The following ACOT9 variants were observed in gnomAD, a reference collection of about 807,000 sequenced individuals.
The protein encoded by ACOT9 is acyl-CoA thioesterase 9.
Under a neutral mutation model 39.7 loss-of-function variants are expected in ACOT9, and 34 were observed. That is an observed-to-expected ratio of 0.86 (90% CI 0.65 to 1.14). The LOEUF (loss-of-function observed/expected upper bound fraction) is 1.14. Ranked by LOEUF, ACOT9 falls within the 50% of genes most tolerant of loss-of-function variation. The probability of loss-of-function intolerance (pLI) is 0.00; values close to 1 mark genes in which losing one functional copy is unlikely to be tolerated. For missense variants in ACOT9, 313 were observed against 344.1 expected, an observed-to-expected ratio of 0.91 and a Z score of 0.71; for synonymous variants, 110 against 120.5, an observed-to-expected ratio of 0.91 and a Z score of 0.57.
chrX:23,722,623 G>A (rs1929360384), intron 7 of ACOT9, 47 bp downstream of exon 7: 1 of 915,762 alleles, frequency 1.1e-6, no homozygotes, highest in Non-Finnish European at 1.5e-6. Context: ...ATAATATCTT[G>A]AAATTACTAA....
chrX:23,729,228 G>A (rs1423608405), intron 6 of ACOT9, among the ~76,000 whole-genome samples: 2 of 111,697 alleles, frequency 1.8e-5, no homozygotes, highest in Admixed American at 1.9e-4. Context: ...GATACAATAA[G>A]AACAGAGCAT....
intron 1 of ACOT9, among the ~76,000 whole-genome samples, chrX:23,742,260 T>C (rs1259158748): frequency 2.3e-4 from 8 of 34,988 alleles, no homozygotes; most frequent in Non-Finnish European, 3.7e-4. Flanking sequence ...GAGAGAGATA[T>C]CCAGGACCCC....
intron 4 of ACOT9, 58 bp from the exon 5 acceptor site, chrX:23,731,044 G>C (rs1263828813): frequency 1.9e-6 from 2 of 1,027,830 alleles, no homozygotes; most frequent in East Asian, 6.2e-5. Flanking sequence ...CACAATTCCA[G>C]TGGTACACAG....
rs1928505853 is a variant in ACOT9, at chrX:23,702,220, C to G, written c.*1674G>C. On this transcript the variant is annotated 3_prime_UTR_variant, in exon 16 of 16. Coordinates refer to ENST00000379303, the MANE Select transcript of ACOT9 (RefSeq NM_001037171.2). ...TTATTTTTTCTTCTAAGTTACCTTC[C>G]TGTCAAAAAAGGAACGGTCTTGGCT... The G allele has an allele frequency of 9.2e-6, 1 of 108,209 alleles. No individual in the cohort carries two copies. The highest frequency in any genetic ancestry group is 1.9e-5 in the Non-Finnish European group (1 of 52,289). The allele number at this position is 108,209 out of a possible 1,213,427, so 8.9% of individuals were successfully genotyped here.
In ACOT9 at chrX:23,704,807, A is replaced by C; in HGVS notation, c.1145T>G (p.Val382Gly). Residue 382 changes from valine (V) to glycine (G), a missense_variant, in exon 15 of 16, where the codon GTA becomes GGA. Physicochemically the swap from Val to Gly is moderately radical, Grantham distance 109. Transcript: ENST00000379303. Reference sequence around the variant, plus strand: ...CTGCAGGGAGGCCACTTCACTGTGTACTCTGACTTGAATATAATTATTCTG... The same window carrying C: ...CTGCAGGGAGGCCACTTCACTGTGTCCTCTGACTTGAATATAATTATTCTG... ...FTQNNYIQVR[V>G]HSEVASLQEK... 8.3e-7 allele frequency: 1 copy of C among 1,210,744 alleles called. No individual in the cohort carries two copies. The highest frequency in any genetic ancestry group is 1.1e-6 in the Non-Finnish European group (1 of 894,654).
At position 23,701,306 on chromosome X, in the gene ACOT9, C is replaced by T. The variant is rs918050082; in HGVS notation, c.*2588G>A. On this transcript the variant is annotated 3_prime_UTR_variant, in exon 16 of 16. Coordinates refer to ENST00000379303, the MANE Select transcript of ACOT9 (RefSeq NM_001037171.2). ...TGCTATATTGAAGGGCCAGGTAAATCTCAGTCAGGATGGCATTACGGCATG... is the reference window on the plus strand; with the variant it reads ...TGCTATATTGAAGGGCCAGGTAAATTTCAGTCAGGATGGCATTACGGCATG... Among the ~76,000 whole-genome samples, 2 of 111,018 alleles carry T rather than the reference C, an allele frequency of 1.8e-5. No individual in the cohort carries two copies. The highest frequency in any genetic ancestry group is 3.8e-5 in the Non-Finnish European group (2 of 53,078).
At chrX:23,722,005 A>C in intron 7 of ACOT9, 21 bp from the exon 8 acceptor site, 4 of 1,142,582 alleles carry the variant, frequency 3.5e-6, no homozygotes, top group Non-Finnish European at 4.8e-6. Flanking sequence ...GAAGTCAATC[A>C]GGGTCCAAGT....
intron 1 of ACOT9, among the ~76,000 whole-genome samples, chrX:23,737,503 G>T (rs1424999606): frequency 1.8e-5 from 2 of 112,017 alleles, no homozygotes; most frequent in Non-Finnish European, 3.8e-5. Context: ...TCTTCTGAAT[G>T]ACAGCATTCA....
chrX:23,707,737 C>CAAAA, intron 10 of ACOT9, 140 bp downstream of exon 10: 1 of 389,003 alleles, frequency 2.6e-6, no homozygotes, highest in Non-Finnish European at 4.2e-6. Context: ...GACTCCATTT[C>CAAAA]AAAAAAAACA....
In ACOT9 at chrX:23,723,335, G is replaced by A. The variant is rs1929384269; in HGVS notation, c.401-582C>T. Reference sequence around the variant, plus strand: ...TTTAAAGTCGTATAATTATACGTTGGGCCGGGCGCGGCGGCTCAGCCTGTA... The same window carrying A: ...TTTAAAGTCGTATAATTATACGTTGAGCCGGGCGCGGCGGCTCAGCCTGTA... On this transcript the variant is annotated intron_variant, in intron 6 of 15. Transcript: ENST00000379303. 2.7e-5 allele frequency among the ~76,000 whole-genome samples: 3 copies of A among 110,977 alleles called. No individual in the cohort carries two copies. In the South Asian group the frequency reaches 1.1e-3, roughly 42 times the overall value.
At chrX:23,718,889 G>C (rs1413380047) in intron 8 of ACOT9, among the ~76,000 whole-genome samples, 1 of 69,836 alleles carries the variant, frequency 1.4e-5, no homozygotes, top group African/African-American at 6.1e-5. Context: ...CTGGGTGACA[G>C]AGCAAGACTC....
chrX:23,742,092 CATA>C (rs1920971453), intron 1 of ACOT9, among the ~76,000 whole-genome samples: 1 of 110,912 alleles, frequency 9.0e-6, no homozygotes, highest in Non-Finnish European at 1.9e-5. Context: ...TGGCCCCTCT[CATA>C]ATGACTTTCA....
intron 1 of ACOT9, 150 bp downstream of exon 1, chrX:23,742,975 G>C: frequency 1.4e-6 from 1 of 696,327 alleles, no homozygotes. Flanking sequence ...TGTCCGGTCG[G>C]AGGTACAGTG....
chrX:23,742,867 C>T (rs767233605), intron 1 of ACOT9, among the ~76,000 whole-genome samples: 1 of 112,844 alleles, frequency 8.9e-6, no homozygotes, highest in Non-Finnish European at 1.9e-5. Context: ...ACCCAACTTC[C>T]TCCCTTAAAA....
intron 8 of ACOT9, among the ~76,000 whole-genome samples, chrX:23,717,482 A>G (rs898620211): frequency 8.9e-6 from 1 of 111,810 alleles, no homozygotes; most frequent in Non-Finnish European, 1.9e-5. Flanking sequence ...CACAAGAGGC[A>G]GTGAGGACTT....
intron 8 of ACOT9, among the ~76,000 whole-genome samples, chrX:23,720,068 G>C (rs757241204): frequency 0.015 from 1,661 of 112,254 alleles, 26 homozygotes; most frequent in African/African-American, 0.045. Context: ...CTCCTGACCT[G>C]GTGATCTGCC....
intron 11 of ACOT9, among the ~76,000 whole-genome samples, chrX:23,706,199 G>A (rs969307031): frequency 9.0e-6 from 1 of 110,609 alleles, no homozygotes; most frequent in Non-Finnish European, 1.9e-5. Flanking sequence ...CCGGGAGGCA[G>A]AGGTTGTAGT....
At chrX:23,714,970 A>G (rs1929028468) in intron 8 of ACOT9, among the ~76,000 whole-genome samples, 1 of 111,445 alleles carries the variant, frequency 9.0e-6, no homozygotes, top group African/African-American at 3.3e-5. Flanking sequence ...GTCATACCAT[A>G]AAGTAATGAC....
At chrX:23,732,242 T>A (rs753715215) in intron 4 of ACOT9, among the ~76,000 whole-genome samples, 2 of 112,870 alleles carry the variant, frequency 1.8e-5, no homozygotes, top group East Asian at 5.5e-4. Context: ...AGGAGTAATC[T>A]ATTACACAAA....
Sources: gnomAD v4.1 joint callset for allele counts (sites outside exome capture counted in the v4.1 genomes callset) on GRCh38, gnomAD v4.1.1 for gene constraint, MANE v1.5 for transcripts, NCBI Gene and HGNC (gene_info 2026-07-23, HGNC 2026-07-21) for gene names.